SYNE2: variants seen among roughly 807,000 people sequenced by gnomAD.
SYNE2 encodes spectrin repeat containing nuclear envelope protein 2.
In SYNE2, 431 loss-of-function variants were observed where a neutral mutation model predicts 856.3. That is an observed-to-expected ratio of 0.50 (90% CI 0.47 to 0.55). The LOEUF is 0.55. SYNE2 is among the 20% of genes least tolerant of loss of function. The pLI is 0.00. For synonymous variants in SYNE2, 2,923 were observed against 2,872.3 expected (o/e 1.02, Z -0.56); for missense variants, 8,129 against 8,023.2 (o/e 1.01, Z -0.50).
intron 49 of SYNE2, among the ~76,000 whole-genome samples, chr14:64,059,714 A>G (rs1454656556): frequency 6.6e-6 from 1 of 152,248 alleles, no homozygotes; most frequent in Non-Finnish European, 1.5e-5. Flanking sequence ...TGGGCTCTAC[A>G]ATCAACAGGA....
chr14:63,832,769 C>T (rs1410586509), intron 1 of SYNE2, among the ~76,000 whole-genome samples: 1 of 149,246 alleles, frequency 6.7e-6, no homozygotes, highest in African/African-American at 2.5e-5. Flanking sequence ...TGGCTCACAC[C>T]TGTAATCTCA....
intron 1 of SYNE2, among the ~76,000 whole-genome samples, chr14:63,774,468 C>CAAAAAAAAA (rs748830808): frequency 4.2e-5 from 4 of 95,308 alleles, no homozygotes; most frequent in Non-Finnish European, 6.1e-5. Flanking sequence ...GACTCCGTCT[C>CAAAAAAAAA]AAAAAAAAAA....
chr14:63,902,643 C>T (rs1254126906), intron 1 of SYNE2, among the ~76,000 whole-genome samples: 1 of 151,704 alleles, frequency 6.6e-6, no homozygotes, highest in Admixed American at 6.6e-5. Flanking sequence ...TCAATCTAGC[C>T]CTTAGCTAAA....
chr14:64,173,643 C>G (rs560721443), intron 94 of SYNE2, among the ~76,000 whole-genome samples: 66 of 152,290 alleles, frequency 4.3e-4, no homozygotes, highest in African/African-American at 1.1e-3. Flanking sequence ...GGTACTCACT[C>G]TGTCTCCCAG....
Position 63,779,309 on chromosome 14 carries a change from G to A in SYNE2, c.-305+17323G>A, listed in dbSNP as rs1402802965. On this transcript the variant is annotated intron_variant, in intron 1 of 23. Transcript: ENST00000674003. ...CACTGCACAACAGCCTGGGCAACAC[G>A]AGCAAAACTCCGTCTCAAATAAATA... Among the ~76,000 whole-genome samples the A allele has an allele frequency of 2.7e-5, 4 of 148,428 alleles. No individual in the cohort carries two copies. The East Asian group carries it at 5.9e-4, about 22-fold the overall frequency.
chr14:63,814,659 TATATATATCC>T (rs553021522), intron 1 of SYNE2, among the ~76,000 whole-genome samples: 4,038 of 77,730 alleles, frequency 0.052, 381 homozygotes, highest in Middle Eastern at 0.078. Flanking sequence ...ATATAATCCT[TATATATATCC>T]ATATATATCC....
intron 53 of SYNE2, among the ~76,000 whole-genome samples, chr14:64,074,434 C>A (rs944964876): frequency 5.3e-5 from 8 of 152,162 alleles, no homozygotes; most frequent in African/African-American, 1.4e-4. Flanking sequence ...TCAGACCACT[C>A]TTAAGTAGTA....
chr14:64,225,532 A>G lies in SYNE2; in HGVS notation c.*6A>G. 1 of 1,613,688 alleles carries G rather than the reference A, an allele frequency of 6.2e-7. No individual in the cohort carries two copies. Among genetic ancestry groups the G allele is most frequent in the Admixed American group, 1.7e-5 (1 of 59,954 alleles). ...ATGGGCCACCCCCCACATAGAGGGC[A>G]TAGCTGGCCACAGTGCTACACCACC... On this transcript the variant is annotated 3_prime_UTR_variant, in exon 116 of 116. Coordinates refer to ENST00000555002, the MANE Select transcript of SYNE2 (RefSeq NM_182914.3).
At chr14:64,103,144 A>T (rs1208168318) in intron 64 of SYNE2, among the ~76,000 whole-genome samples, 1 of 152,206 alleles carries the variant, frequency 6.6e-6, no homozygotes, top group Non-Finnish European at 1.5e-5. Context: ...AGACAGCCTT[A>T]ATGAGCACCT....
At chr14:64,023,697 A>C (rs986016705) in intron 38 of SYNE2, 5 of 179,550 alleles carry the variant, frequency 2.8e-5, no homozygotes, top group African/African-American at 1.2e-4. Context: ...AGGGTAGACT[A>C]TCTATTACTT....
intron 49 of SYNE2, among the ~76,000 whole-genome samples, chr14:64,060,579 TTGGAACTGTGAGCTG>T (rs2097309052): frequency 6.6e-6 from 1 of 152,096 alleles, no homozygotes; most frequent in Non-Finnish European, 1.5e-5. Context: ...GGGGTCTCTT[TTGGAACTGTGAGCTG>T]TGGTTCATGA....
intron 8 of SYNE2, 87 bp downstream of exon 8, chr14:63,955,002 AGT>A: frequency 9.1e-7 from 1 of 1,103,674 alleles, no homozygotes; most frequent in South Asian, 1.3e-5. Flanking sequence ...GAATAAACAT[AGT>A]GGCACTCTAT....
intron 19 of SYNE2, among the ~76,000 whole-genome samples, 153 bp from the exon 20 acceptor site, chr14:63,990,258 A>G (rs975505996): frequency 6.6e-6 from 1 of 152,240 alleles, no homozygotes; most frequent in Admixed American, 6.5e-5. Context: ...ATGAAATTTC[A>G]AAATGACTCC....
chr14:64,182,356 AT>A (rs1440140439), intron 96 of SYNE2, among the ~76,000 whole-genome samples: 4 of 64,810 alleles, frequency 6.2e-5, no homozygotes, highest in African/African-American at 2.5e-4. Context: ...GGGCAATTTA[AT>A]TTATTTATTT....
intron 65 of SYNE2, chr14:64,113,082 G>A: frequency 1.0e-6 from 1 of 985,396 alleles, no homozygotes; most frequent in Non-Finnish European, 1.2e-6. Flanking sequence ...TCACCGGGTA[G>A]TGAACTGTGA....
intron 1 of SYNE2, among the ~76,000 whole-genome samples, chr14:63,822,879 G>A (rs565343623): frequency 6.6e-6 from 1 of 152,236 alleles, no homozygotes; most frequent in South Asian, 2.1e-4. Context: ...TGAGGCAGAA[G>A]GATCACTTGA....
At chr14:64,149,064 T>A (rs773243995) in intron 84 of SYNE2, among the ~76,000 whole-genome samples, 1 of 151,508 alleles carries the variant, frequency 6.6e-6, no homozygotes, top group Non-Finnish European at 1.5e-5. Context: ...TCCCAGAAAT[T>A]TGGGAGGCTA....
intron 78 of SYNE2, among the ~76,000 whole-genome samples, chr14:64,134,681 A>T (rs1316414668): frequency 6.6e-6 from 1 of 152,210 alleles, no homozygotes; most frequent in Non-Finnish European, 1.5e-5. Context: ...CACCAGCATT[A>T]TAAAAACATC....
intron 35 of SYNE2, 69 bp downstream of exon 35, chr14:64,020,162 CA>C (rs2096925816): frequency 9.0e-7 from 1 of 1,105,058 alleles, no homozygotes; most frequent in African/African-American, 1.6e-5. Context: ...CACTGCACTC[CA>C]GCCTGGGCGA....
Sources: allele counts gnomAD v4.1 joint callset (sites outside exome capture counted in the v4.1 genomes callset), GRCh38; gene constraint gnomAD v4.1.1; transcripts MANE v1.5; gene names NCBI Gene and HGNC (gene_info 2026-07-23, HGNC 2026-07-21).